Variants in SPN observed in about 807,000 individuals in gnomAD.
The protein encoded by SPN is sialophorin, also known as leukosialin.
In SPN, 6 loss-of-function variants were observed where a neutral mutation model predicts 8.4. That is an observed-to-expected ratio of 0.72 (90% CI 0.39 to 1.42). SPN has a LOEUF of 1.42. Among genes scored for constraint, SPN ranks in the 40% most tolerant of loss-of-function variants. SPN has a pLI of 0.02. For synonymous variants in SPN, 201 were observed against 222.6 expected (o/e 0.90, Z 0.86); for missense variants, 517 against 530.6 (o/e 0.97, Z 0.25).
Position 29,663,595 on chromosome 16 carries a change from G to A in SPN, c.-34-100G>A, listed in dbSNP as rs1244188901. ...CATGGAAAAAACCGTTAAACCGCAGGTTGGGCCTGGCCGTTGGCAGGGAAG... is the reference window on the plus strand; with the variant it reads ...CATGGAAAAAACCGTTAAACCGCAGATTGGGCCTGGCCGTTGGCAGGGAAG... On this transcript the variant is annotated intron_variant, in intron 1 of 1. Transcript: ENST00000652691. The surrounding 1 kb of genome is among the most constrained non-coding windows in gnomAD (Gnocchi z 4.3). 4 of 1,292,848 alleles carry A rather than the reference G, an allele frequency of 3.1e-6. No homozygotes were observed. Among genetic ancestry groups the A allele is most frequent in the Non-Finnish European group, 3.2e-6 (3 of 949,622 alleles). 80.1% of individuals were successfully genotyped at this position (1,292,848 alleles called of 1,614,324 possible).
Position 29,665,750 on chromosome 16 carries a change from G to A in SPN, c.*819G>A, listed in dbSNP as rs1330598906. 1.2e-5 allele frequency: 2 copies of A among 167,064 alleles called. No homozygotes were observed. Among genetic ancestry groups the A allele is most frequent in the Non-Finnish European group, 2.9e-5 (2 of 68,148 alleles). The allele number at this position is 167,064 out of a possible 1,614,324, so 10.3% of individuals were successfully genotyped here. On this transcript the variant is annotated 3_prime_UTR_variant, in exon 2 of 2. Coordinates refer to ENST00000652691, the MANE Select transcript of SPN (RefSeq NM_003123.6). ...GTAGCTGCAAGGGCTGTGGAACCTG[G>A]GCAGCCCGCAACCACCTTTAGCTCT...
upstream of SPN, chr16:29,663,184 G>A (rs933951326): frequency 6.6e-6 from 1 of 152,256 alleles, no homozygotes; most frequent in East Asian, 1.9e-4. The surrounding 1 kb of genome is among the most constrained non-coding windows in gnomAD (Gnocchi z 4.3). Context: ...GCAGGATGGA[G>A]GGGTGGGTGG....
Position 29,666,679 on chromosome 16 carries a change from C to T in SPN, c.*1748C>T, listed in dbSNP as rs1008479886. ...CAGGTTTAGTTTGTCTGTGTCTCCTCTTCCATCCCAGGGGCTGAGCCCCTT... is the reference window on the plus strand; with the variant it reads ...CAGGTTTAGTTTGTCTGTGTCTCCTTTTCCATCCCAGGGGCTGAGCCCCTT... On this transcript the variant is annotated 3_prime_UTR_variant, in exon 2 of 2. Transcript: ENST00000652691. 10 of 340,672 alleles carry T rather than the reference C, an allele frequency of 2.9e-5. No individual in the cohort carries two copies. Among genetic ancestry groups the T allele is most frequent in the South Asian group, 2.5e-4 (10 of 40,066 alleles). 21.1% of individuals were successfully genotyped at this position (340,672 alleles called of 1,614,324 possible).
At position 29,664,618 on chromosome 16, in the gene SPN, A is replaced by G. The variant is rs939055766; in HGVS notation, c.890A>G (p.Asn297Ser). The G allele has an allele frequency of 6.3e-7, 1 of 1,596,188 alleles. No individual in the cohort carries two copies. The highest frequency in any genetic ancestry group is 8.5e-7 in the Non-Finnish European group (1 of 1,171,510). ...GTGCTGAGCAGAGGCGGCAAGCGTAACGGGGTGGTGGACGCCTGGGCTGGG... is the reference window on the plus strand; with the variant it reads ...GTGCTGAGCAGAGGCGGCAAGCGTAGCGGGGTGGTGGACGCCTGGGCTGGG... Reference protein sequence around the residue: ...ALVLSRGGKRNGVVDAWAGPA... With the variant: ...ALVLSRGGKRSGVVDAWAGPA... Residue 297 changes from asparagine (N) to serine (S), a missense_variant, in exon 2 of 2, where the codon AAC (asparagine) becomes AGC (serine). Transcript: ENST00000652691. This position sits in a 1 kb window ranked among gnomAD's most constrained non-coding sequence, Gnocchi z 6.4.
At position 29,666,656 on chromosome 16, in the gene SPN, G is replaced by T. The variant is rs1334502162; in HGVS notation, c.*1725G>T. ...GGCGCTTCCCCACTGCACGTTTCCA[G>T]GTTTAGTTTGTCTGTGTCTCCTCTT... On this transcript the variant is annotated 3_prime_UTR_variant, in exon 2 of 2. Transcript: ENST00000652691. 19 of 327,092 alleles carry T rather than the reference G, an allele frequency of 5.8e-5. No homozygotes were observed. In the Admixed American group the frequency reaches 6.7e-4, roughly 12 times the overall value. 20.3% of individuals were successfully genotyped at this position (327,092 alleles called of 1,614,324 possible).
Position 29,663,607 on chromosome 16 carries a change from C to G in SPN, c.-34-88C>G, listed in dbSNP as rs11574555. 1.4e-3 allele frequency: 1,936 copies of G among 1,395,264 alleles called. 23 individuals are homozygous for G. In the African/African-American group the frequency reaches 0.025, roughly 18 times the overall value. 86.4% of individuals were successfully genotyped at this position (1,395,264 alleles called of 1,614,324 possible). ...CGTTAAACCGCAGGTTGGGCCTGGC[C>G]GTTGGCAGGGAAGTGGGCAGAGGGG... is the stretch of plus-strand genomic sequence containing the variant. On this transcript the variant is annotated intron_variant, in intron 1 of 1. Coordinates refer to ENST00000652691, the MANE Select transcript of SPN (RefSeq NM_003123.6). The surrounding 1 kb of genome is among the most constrained non-coding windows in gnomAD (Gnocchi z 4.3).
Position 29,664,632 on chromosome 16 carries a change from G to C in SPN, c.904G>C (p.Ala302Pro). 6.3e-7 allele frequency: 1 copy of C among 1,578,024 alleles called. No individual in the cohort carries two copies. The highest frequency in any genetic ancestry group is 8.6e-7 in the Non-Finnish European group (1 of 1,163,176). The part of the protein sequence containing the change: ...RGGKRNGVVD[A>P]WAGPAQVPEE... ...CGGCAAGCGTAACGGGGTGGTGGAC[G>C]CCTGGGCTGGGCCAGCCCAGGTCCC... Residue 302 changes from alanine to proline, a missense_variant, in exon 2 of 2, where the codon GCC (alanine) becomes CCC (proline). Coordinates refer to ENST00000652691, the MANE Select transcript of SPN (RefSeq NM_003123.6). The surrounding 1 kb of genome is among the most constrained non-coding windows in gnomAD (Gnocchi z 6.4).
Position 29,669,883 on chromosome 16 carries a change from A to T in SPN, c.*4952A>T, listed in dbSNP as rs1401736851. On this transcript the variant is annotated 3_prime_UTR_variant, in exon 2 of 2. Transcript: ENST00000652691. ...AAGTAAAAAACTCCATCTCAAAAAA[A>T]AAAAAGGAGATAGAGCAAGGAACAG... The T allele has an allele frequency of 6.1e-6, 1 of 165,028 alleles. No individual in the cohort carries two copies. Among genetic ancestry groups the T allele is most frequent in the Admixed American group, 6.7e-5 (1 of 14,988 alleles). The allele number at this position is 165,028 out of a possible 1,614,324, so 10.2% of individuals were successfully genotyped here.
At position 29,664,436 on chromosome 16, in the gene SPN, C is replaced by T. The variant is rs1185794182; in HGVS notation, c.708C>T (p.Thr236=). 2 of 1,614,216 alleles carry T rather than the reference C, an allele frequency of 1.2e-6. No individual in the cohort carries two copies. ...TATCTACAATGATGTCTCCAACGAC[C>T]TCCACCAACGCAAGCACTGTGCCCT... ...VKLSTMMSPT[T]STNASTVPFR... The change falls in exon 2 of 2, where the codon ACC becomes ACT. Residue 236 remains threonine, a synonymous_variant. Coordinates refer to ENST00000652691, the MANE Select transcript of SPN (RefSeq NM_003123.6). This position sits in a 1 kb window ranked among gnomAD's most constrained non-coding sequence, Gnocchi z 6.4.
At position 29,663,755 on chromosome 16, in the gene SPN, G is replaced by T. The variant is rs368227662; in HGVS notation, c.27G>T (p.Gly9=). 2.6e-5 allele frequency: 42 copies of T among 1,591,572 alleles called. No individual in the cohort carries two copies. The African/African-American group carries it at 5.1e-4, about 19-fold the overall frequency. The change falls in exon 2 of 2, where the codon GGG becomes GGT. Residue 9 remains glycine, a synonymous_variant. Transcript: ENST00000652691. The surrounding 1 kb of genome is among the most constrained non-coding windows in gnomAD (Gnocchi z 4.3). The stretch of plus-strand genomic sequence containing the variant: ...TGGCCACGCTTCTCCTTCTCCTTGG[G>T]GTGCTGGTGGTAAGCCCAGACGCTC... MATLLLLL[G]VLVVSPDALG...
rs529215386 is a variant in SPN, at chr16:29,665,012, C to A, written c.*81C>A. ...CCCTCTCACCATCCCACTGCCCCCT[C>A]GCTCCCATGTTTCCACCCGGCACCC... On this transcript the variant is annotated 3_prime_UTR_variant, in exon 2 of 2. Coordinates refer to ENST00000652691, the MANE Select transcript of SPN (RefSeq NM_003123.6). 7 of 1,266,482 alleles carry A rather than the reference C, an allele frequency of 5.5e-6. No homozygotes were observed. In the South Asian group the frequency reaches 2.2e-4, roughly 39 times the overall value. The allele number at this position is 1,266,482 out of a possible 1,614,324, so 78.5% of individuals were successfully genotyped here. A position where few individuals can be genotyped will look rare whatever the true frequency, so the allele number is the denominator to read the frequency against.
chr16:29,666,726 T>G lies in SPN; in HGVS notation c.*1795T>G. The G allele has an allele frequency of 2.7e-6, 1 of 372,290 alleles. No individual in the cohort carries two copies. Among genetic ancestry groups the G allele is most frequent in the Non-Finnish European group, 5.6e-6 (1 of 178,960 alleles). 23.1% of individuals were successfully genotyped at this position (372,290 alleles called of 1,614,324 possible). ...CCTTCCATCCTCCAAGAGGAACCAGTGAGAGTGAGTGAAGGAGGGGCCTGG... is the reference window on the plus strand; with the variant it reads ...CCTTCCATCCTCCAAGAGGAACCAGGGAGAGTGAGTGAAGGAGGGGCCTGG... On this transcript the variant is annotated 3_prime_UTR_variant, in exon 2 of 2. Coordinates refer to ENST00000652691, the MANE Select transcript of SPN (RefSeq NM_003123.6).
Position 29,664,516 on chromosome 16 carries a change from C to T in SPN, c.788C>T (p.Ala263Val). 1 of 1,614,142 alleles carries T rather than the reference C, an allele frequency of 6.2e-7. No homozygotes were observed. The highest frequency in any genetic ancestry group is 8.5e-7 in the Non-Finnish European group (1 of 1,180,014). Residue 263 changes from alanine to valine, a missense_variant, in exon 2 of 2, where the codon GCC becomes GTC. Physicochemically the swap from Ala to Val is moderately conservative, Grantham distance 64. Transcript: ENST00000652691. The surrounding 1 kb of genome is among the most constrained non-coding windows in gnomAD (Gnocchi z 6.4). The part of the protein sequence containing the change: ...RGMLPVAVLV[A>V]LLAVIVLVAL... Reference sequence around the variant, plus strand: ...ATGCTGCCAGTGGCTGTGCTTGTGGCCCTGCTGGCGGTCATAGTCCTCGTG... The same window carrying T: ...ATGCTGCCAGTGGCTGTGCTTGTGGTCCTGCTGGCGGTCATAGTCCTCGTG...
In SPN at chr16:29,667,218, C is replaced by T; in HGVS notation, c.*2287C>T. On this transcript the variant is annotated 3_prime_UTR_variant, in exon 2 of 2. Coordinates refer to ENST00000652691, the MANE Select transcript of SPN (RefSeq NM_003123.6). Reference sequence around the variant, plus strand: ...CACTGCAGCTGCAGAATGACAGAGGCCATGTCCAAAATCCCTTAGAGACAC... The same window carrying T: ...CACTGCAGCTGCAGAATGACAGAGGTCATGTCCAAAATCCCTTAGAGACAC... The T allele has an allele frequency of 2.8e-6, 1 of 359,484 alleles. No individual in the cohort carries two copies. The highest frequency in any genetic ancestry group is 2.2e-5 in the South Asian group (1 of 46,292). The allele number at this position is 359,484 out of a possible 1,614,324, so 22.3% of individuals were successfully genotyped here.
In SPN at chr16:29,667,742, C is replaced by T; in HGVS notation, c.*2811C>T. 6.6e-6 allele frequency: 1 copy of T among 152,186 alleles called. No individual in the cohort carries two copies. The highest frequency in any genetic ancestry group is 1.9e-4 in the East Asian group (1 of 5,186). 9.4% of individuals were successfully genotyped at this position (152,186 alleles called of 1,614,324 possible). On this transcript the variant is annotated 3_prime_UTR_variant, in exon 2 of 2. Transcript: ENST00000652691. ...AGTGAGCCGGGATCATGCCACTGTA[C>T]TCCAGGCTGGGTGACAAAGTGAGAC...
chr16:29,667,973 T>G lies in SPN; in HGVS notation c.*3042T>G, dbSNP rs891045551. 2 of 166,498 alleles carry G rather than the reference T, an allele frequency of 1.2e-5. No homozygotes were observed. Among genetic ancestry groups the G allele is most frequent in the Non-Finnish European group, 2.9e-5 (2 of 68,220 alleles). 10.3% of individuals were successfully genotyped at this position (166,498 alleles called of 1,614,324 possible). ...GTGTGTGTATGTGTGCACATGTGTG[T>G]GCGCATGTGTGTGTGTGCGCGCATG... On this transcript the variant is annotated 3_prime_UTR_variant, in exon 2 of 2. Coordinates refer to ENST00000652691, the MANE Select transcript of SPN (RefSeq NM_003123.6).
In SPN at chr16:29,670,842, C is replaced by G; in HGVS notation, c.*5911C>G. On this transcript the variant is annotated 3_prime_UTR_variant, in exon 2 of 2. Coordinates refer to ENST00000652691, the MANE Select transcript of SPN (RefSeq NM_003123.6). ...TCTTCTGTATTTTCCGAATTTCATA[C>G]AATAAATATCTGTTACTTTTACAAT... 2.2e-6 allele frequency: 1 copy of G among 453,150 alleles called. No homozygotes were observed. Among genetic ancestry groups the G allele is most frequent in the Non-Finnish European group, 4.4e-6 (1 of 225,612 alleles). The allele number at this position is 453,150 out of a possible 1,614,324, so 28.1% of individuals were successfully genotyped here.
At position 29,664,394 on chromosome 16, in the gene SPN, G is replaced by C. The variant is rs148171387; in HGVS notation, c.666G>C (p.Gln222His). ...LEPSSGASGP[Q>H]VSSVKLSTMM... ...CCTCCAGCGGGGCCAGTGGACCCCA[G>C]GTCTCTAGCGTAAAACTATCTACAA... The change falls in exon 2 of 2, where the codon CAG becomes CAC. Residue 222 changes from glutamine to histidine, a missense_variant. Gln to His is a conservative substitution (Grantham distance 24). Transcript: ENST00000652691. The surrounding 1 kb of genome is among the most constrained non-coding windows in gnomAD (Gnocchi z 6.4). 5.5e-5 allele frequency: 89 copies of C among 1,614,008 alleles called. No individual in the cohort carries two copies. Among genetic ancestry groups the C allele is most frequent in the Non-Finnish European group, 6.9e-5 (82 of 1,180,030 alleles).
chr16:29,664,393 A>G lies in SPN; in HGVS notation c.665A>G (p.Gln222Arg). Residue 222 changes from glutamine to arginine, a missense_variant, in exon 2 of 2, where the codon CAG becomes CGG. By Grantham distance (43) the Gln-to-Arg change is conservative. Transcript: ENST00000652691. The surrounding 1 kb of genome is among the most constrained non-coding windows in gnomAD (Gnocchi z 6.4). Reference sequence around the variant, plus strand: ...CCCTCCAGCGGGGCCAGTGGACCCCAGGTCTCTAGCGTAAAACTATCTACA... The same window carrying G: ...CCCTCCAGCGGGGCCAGTGGACCCCGGGTCTCTAGCGTAAAACTATCTACA... ...LEPSSGASGP[Q>R]VSSVKLSTMM... 1 of 1,614,166 alleles carries G rather than the reference A, an allele frequency of 6.2e-7. No homozygotes were observed. The highest frequency in any genetic ancestry group is 8.5e-7 in the Non-Finnish European group (1 of 1,180,032).
Sources: allele counts gnomAD v4.1 joint callset, GRCh38; gene constraint gnomAD v4.1.1; non-coding constraint Gnocchi (gnomAD v3.1); transcripts MANE v1.5; gene names NCBI Gene and HGNC (gene_info 2026-07-23, HGNC 2026-07-21).